TMEM108: variants seen among roughly 807,000 people sequenced by gnomAD.
TMEM108 encodes the protein cancer/testis antigen 124.
Under a neutral mutation model 35.1 loss-of-function variants are expected in TMEM108, and 12 were observed. That is an observed-to-expected ratio of 0.34 (90% CI 0.22 to 0.55). The LOEUF (loss-of-function observed/expected upper bound fraction) is 0.55. TMEM108 is among the 20% of genes least tolerant of loss of function. The pLI, the probability that TMEM108 is intolerant of heterozygous loss-of-function variation, is 0.89. For missense variants in TMEM108, 680 were observed against 753.3 expected (o/e 0.90, Z 1.14); for synonymous variants, 287 against 308.6 (o/e 0.93, Z 0.73).
chr3:133,184,282 A>G (rs1004962127), intron 2 of TMEM108, among the ~76,000 whole-genome samples: 1 of 152,234 alleles, frequency 6.6e-6, no homozygotes, highest in Non-Finnish European at 1.5e-5. Context: ...TAATTTATGT[A>G]TATAACATTT....
chr3:133,173,278 C>T (rs1426071217), intron 2 of TMEM108, among the ~76,000 whole-genome samples: 1 of 152,154 alleles, frequency 6.6e-6, no homozygotes, highest in East Asian at 1.9e-4. Flanking sequence ...TTAGAAAGTT[C>T]AGTAACTAAT....
intron 2 of TMEM108, among the ~76,000 whole-genome samples, chr3:133,118,239 C>T (rs1165624993): frequency 6.6e-6 from 1 of 152,094 alleles, no homozygotes; most frequent in Non-Finnish European, 1.5e-5. Flanking sequence ...TTATGCCCAT[C>T]CAGGTGTGGA....
chr3:133,230,059 C>G (rs1414268755), intron 3 of TMEM108, among the ~76,000 whole-genome samples: 1 of 152,132 alleles, frequency 6.6e-6, no homozygotes, highest in Admixed American at 6.5e-5. Context: ...TCCAGTTAAC[C>G]CACTTAAGAC....
At chr3:133,089,051 GAAGT>G (rs1196222392) in intron 2 of TMEM108, among the ~76,000 whole-genome samples, 1 of 152,136 alleles carries the variant, frequency 6.6e-6, no homozygotes, top group Non-Finnish European at 1.5e-5. Flanking sequence ...GGCCAGAGCA[GAAGT>G]AAGTGGGGGC....
intron 3 of TMEM108, among the ~76,000 whole-genome samples, chr3:133,376,434 C>T (rs2072841836): frequency 6.6e-6 from 1 of 152,138 alleles, no homozygotes; most frequent in East Asian, 1.9e-4. Context: ...CCCAGAGATT[C>T]CCCGGGCCCT....
intron 2 of TMEM108, among the ~76,000 whole-genome samples, chr3:133,061,889 C>T (rs1162098737): frequency 5.9e-5 from 9 of 152,174 alleles, no homozygotes; most frequent in Admixed American, 5.9e-4. Context: ...TTAGTGATTG[C>T]TTTGCGTTCA....
At chr3:133,253,153 C>T (rs909335545) in intron 3 of TMEM108, among the ~76,000 whole-genome samples, 1 of 152,068 alleles carries the variant, frequency 6.6e-6, no homozygotes, top group South Asian at 2.1e-4. Flanking sequence ...TCAAGTATAC[C>T]AAGGGTTGAC....
chr3:133,318,959 A>C (rs910721657), intron 3 of TMEM108, among the ~76,000 whole-genome samples: 1 of 147,314 alleles, frequency 6.8e-6, no homozygotes. Flanking sequence ...GCCTGGGGCT[A>C]GGTCTGAGTC....
chr3:133,386,080 T>C (rs981784500), intron 4 of TMEM108, among the ~76,000 whole-genome samples: 3 of 152,174 alleles, frequency 2.0e-5, no homozygotes, highest in Non-Finnish European at 4.4e-5. Flanking sequence ...TGCCAGCCAG[T>C]GGGAGTCCTT....
chr3:133,287,029 G>A (rs1041321769), intron 3 of TMEM108, among the ~76,000 whole-genome samples: 2 of 151,950 alleles, frequency 1.3e-5, no homozygotes, highest in Non-Finnish European at 2.9e-5. Context: ...GTTGAATCCC[G>A]TGCTCTTCTT....
At chr3:133,293,459 A>G (rs776435500) in intron 3 of TMEM108, among the ~76,000 whole-genome samples, 56 of 151,470 alleles carry the variant, frequency 3.7e-4, no homozygotes, top group Non-Finnish European at 7.5e-4. Context: ...TATTAAATGA[A>G]TGAGGTTTGG....
intron 2 of TMEM108, among the ~76,000 whole-genome samples, chr3:133,177,734 T>A (rs1272678059): frequency 2.6e-5 from 4 of 152,118 alleles, no homozygotes; most frequent in Non-Finnish European, 1.5e-5. Flanking sequence ...CTGGAAGCAT[T>A]CCCTTTGAAA....
chr3:133,229,377 T>C, intron 3 of TMEM108, 26 bp downstream of exon 3: 1 of 1,608,712 alleles, frequency 6.2e-7, no homozygotes, highest in Admixed American at 1.7e-5. Context: ...ATTTCTTCTT[T>C]CCTAAAATAT....
intron 2 of TMEM108, among the ~76,000 whole-genome samples, chr3:133,130,880 A>T (rs1944481677): frequency 6.6e-6 from 1 of 152,240 alleles, no homozygotes; most frequent in African/African-American, 2.4e-5. Flanking sequence ...ATTATAATTT[A>T]ACTGACATAA....
At chr3:133,196,851 G>T (rs1945585469) in intron 2 of TMEM108, among the ~76,000 whole-genome samples, 1 of 152,182 alleles carries the variant, frequency 6.6e-6, no homozygotes, top group Non-Finnish European at 1.5e-5. Context: ...AAAAAGGGAA[G>T]GAGAACAGGC....
chr3:133,386,921 C>A, intron 4 of TMEM108: 2 of 781,230 alleles, frequency 2.6e-6, no homozygotes, highest in Non-Finnish European at 3.1e-6. Flanking sequence ...ATGGGAAGAG[C>A]AATAGTGCCT....
chr3:133,195,152 C>G (rs1049650304), intron 2 of TMEM108, among the ~76,000 whole-genome samples: 1 of 152,138 alleles, frequency 6.6e-6, no homozygotes, highest in African/African-American at 2.4e-5. Flanking sequence ...GAAACGACAA[C>G]TAATTATACT....
chr3:133,282,266 G>A (rs778220345), intron 3 of TMEM108, among the ~76,000 whole-genome samples: 4 of 152,134 alleles, frequency 2.6e-5, no homozygotes, highest in African/African-American at 7.2e-5. Flanking sequence ...TCTGCCAAAC[G>A]TACTTTTGCT....
chr3:133,371,667 A>G (rs1357719260), intron 3 of TMEM108, among the ~76,000 whole-genome samples: 2 of 151,330 alleles, frequency 1.3e-5, no homozygotes, highest in East Asian at 3.9e-4. Context: ...GAAGGAACAT[A>G]GACCTTACCT....
Sources: gnomAD v4.1 joint callset for allele counts (sites outside exome capture counted in the v4.1 genomes callset) on GRCh38, gnomAD v4.1.1 for gene constraint, MANE v1.5 for transcripts, NCBI Gene and HGNC (gene_info 2026-07-23, HGNC 2026-07-21) for gene names.